KCTD8: variants seen among roughly 807,000 people sequenced by gnomAD.
KCTD8 encodes the protein potassium channel tetramerization domain containing 8.
Under a neutral mutation model 31.5 loss-of-function variants are expected in KCTD8, and 27 were observed. The ratio of observed to expected loss-of-function variants is 0.86; its 90% CI spans 0.63 to 1.18. The LOEUF is 1.18. Ranked by LOEUF, KCTD8 falls within the 50% of genes most tolerant of loss-of-function variation. KCTD8 has a pLI of 0.00. For missense variants in KCTD8, 658 were observed against 647.7 expected (o/e 1.02, Z -0.17); for synonymous variants, 290 against 280.0 (o/e 1.04, Z -0.36).
chr4:44,245,196 A>G (rs908512807), intron 1 of KCTD8, among the ~76,000 whole-genome samples: 2 of 152,150 alleles, frequency 1.3e-5, no homozygotes, highest in African/African-American at 2.4e-5. Flanking sequence ...GAAAATAGCA[A>G]ATAGTAAAGA....
At chr4:44,435,018 G>A (rs1560454190) in intron 1 of KCTD8, among the ~76,000 whole-genome samples, 1 of 151,898 alleles carries the variant, frequency 6.6e-6, no homozygotes, top group Non-Finnish European at 1.5e-5. Context: ...AATGACAGGA[G>A]AAAGTTATTC....
chr4:44,291,029 T>C (rs1717257683), intron 1 of KCTD8, among the ~76,000 whole-genome samples: 2 of 151,864 alleles, frequency 1.3e-5, no homozygotes, highest in Non-Finnish European at 1.5e-5. Flanking sequence ...CTAGAGTTGG[T>C]TTTTCAAAAG....
chr4:44,443,793 A>G (rs544828397), intron 1 of KCTD8, among the ~76,000 whole-genome samples: 1 of 152,270 alleles, frequency 6.6e-6, no homozygotes, highest in East Asian at 1.9e-4. Context: ...GGTAGTTTTT[A>G]TCTAATGATA....
intron 1 of KCTD8, among the ~76,000 whole-genome samples, chr4:44,426,304 C>T (rs931310833): frequency 2.2e-5 from 3 of 137,600 alleles, no homozygotes; most frequent in Non-Finnish European, 3.3e-5. Flanking sequence ...CAATAGAAAT[C>T]AAACCCACCA....
intron 1 of KCTD8, among the ~76,000 whole-genome samples, chr4:44,326,203 C>T (rs1045400153): frequency 4.0e-5 from 6 of 151,580 alleles, no homozygotes; most frequent in African/African-American, 7.3e-5. Flanking sequence ...GGAAGTTTTT[C>T]CTATTTTTTT....
Position 44,447,837 on chromosome 4 carries a change from G to C in KCTD8, c.687C>G (p.Phe229Leu), listed in dbSNP as rs768651447. 1.9e-6 allele frequency: 3 copies of C among 1,592,956 alleles called. No individual in the cohort carries two copies. In the African/African-American group the frequency reaches 4.0e-5, roughly 21 times the overall value. The part of the protein sequence containing the change: ...TVRDNQADAK[F>L]RRVARIMVCG... Reference sequence around the variant, plus strand: ...ACACCATGATGCGCGCCACACGCCGGAATTTGGCGTCGGCCTGGTTGTCGC... The same window carrying C: ...ACACCATGATGCGCGCCACACGCCGCAATTTGGCGTCGGCCTGGTTGTCGC... Residue 229 changes from phenylalanine (F) to leucine (L), a missense_variant, in exon 1 of 2, where the codon TTC becomes TTG. Coordinates refer to ENST00000360029, the MANE Select transcript of KCTD8 (RefSeq NM_198353.3).
chr4:44,346,499 C>A (rs1560431987), intron 1 of KCTD8, among the ~76,000 whole-genome samples: 1 of 151,946 alleles, frequency 6.6e-6, no homozygotes, highest in Non-Finnish European at 1.5e-5. Context: ...AATTTCAGCT[C>A]GATTATACAA....
intron 1 of KCTD8, among the ~76,000 whole-genome samples, chr4:44,233,573 T>C (rs1197349327): frequency 6.6e-6 from 1 of 152,142 alleles, no homozygotes; most frequent in East Asian, 1.9e-4. Flanking sequence ...TTAGATATGA[T>C]GAACTGAAGG....
At chr4:44,446,685 C>A (rs1721945941) in intron 1 of KCTD8, among the ~76,000 whole-genome samples, 1 of 152,180 alleles carries the variant, frequency 6.6e-6, no homozygotes, top group South Asian at 2.1e-4. Context: ...CAGAAAATCG[C>A]TCTATTTATT....
chr4:44,339,459 G>A (rs1472695416), intron 1 of KCTD8, among the ~76,000 whole-genome samples: 1 of 151,866 alleles, frequency 6.6e-6, no homozygotes, highest in Non-Finnish European at 1.5e-5. Context: ...AAATAAACAG[G>A]GTCGATTCAA....
At chr4:44,188,345 A>G (rs1713653992) in intron 1 of KCTD8, among the ~76,000 whole-genome samples, 1 of 152,222 alleles carries the variant, frequency 6.6e-6, no homozygotes, top group Admixed American at 6.5e-5. Flanking sequence ...AGTACAATAA[A>G]AAAGTGCCCA....
intron 1 of KCTD8, among the ~76,000 whole-genome samples, chr4:44,244,545 C>T (rs1318045839): frequency 6.6e-6 from 1 of 152,118 alleles, no homozygotes; most frequent in Non-Finnish European, 1.5e-5. Flanking sequence ...TTCATGGAAA[C>T]TAGAGGCTCT....
At chr4:44,306,965 G>A (rs113894413) in intron 1 of KCTD8, among the ~76,000 whole-genome samples, 8 of 152,018 alleles carry the variant, frequency 5.3e-5, no homozygotes, top group African/African-American at 1.9e-4. Flanking sequence ...ATAAAGAGTG[G>A]CTAAAGGTAC....
intron 1 of KCTD8, among the ~76,000 whole-genome samples, chr4:44,255,934 A>T (rs1190471647): frequency 6.6e-6 from 1 of 151,990 alleles, no homozygotes; most frequent in African/African-American, 2.4e-5. Context: ...TCACGCTGCT[A>T]ATAAAGACAT....
chr4:44,206,156 T>G (rs958842215), intron 1 of KCTD8, among the ~76,000 whole-genome samples: 7 of 152,166 alleles, frequency 4.6e-5, no homozygotes, highest in African/African-American at 1.7e-4. Flanking sequence ...TGGAGAGACA[T>G]AACAAGAGCC....
intron 1 of KCTD8, among the ~76,000 whole-genome samples, chr4:44,223,665 G>A (rs1326590651): frequency 2.0e-5 from 3 of 152,192 alleles, no homozygotes; most frequent in Non-Finnish European, 4.4e-5. Context: ...GGGTCAATGT[G>A]GAAAGTACTA....
chr4:44,248,245 T>C (rs1412982839), intron 1 of KCTD8, among the ~76,000 whole-genome samples: 8 of 151,898 alleles, frequency 5.3e-5, no homozygotes, highest in African/African-American at 1.7e-4. Context: ...AATAAAATTA[T>C]TATTTAGGAA....
chr4:44,251,543 T>C (rs184560337), intron 1 of KCTD8, among the ~76,000 whole-genome samples: 144 of 151,790 alleles, frequency 9.5e-4, no homozygotes, highest in Non-Finnish European at 1.5e-4. Flanking sequence ...TTTTATTACA[T>C]TTATTCACAG....
intron 1 of KCTD8, among the ~76,000 whole-genome samples, chr4:44,256,818 C>T (rs897188992): frequency 6.6e-5 from 10 of 151,916 alleles, no homozygotes; most frequent in African/African-American, 2.4e-4. Flanking sequence ...AGGAGAAAGG[C>T]AGCCCTGACA....
Sources: allele counts gnomAD v4.1 joint callset (sites outside exome capture counted in the v4.1 genomes callset), GRCh38; gene constraint gnomAD v4.1.1; transcripts MANE v1.5; gene names NCBI Gene and HGNC (gene_info 2026-07-23, HGNC 2026-07-21).